Variants in HECW2 observed in about 807,000 individuals in gnomAD.
HECW2 encodes HECT, C2 and WW domain containing E3 ubiquitin protein ligase 2, also known as E3 ubiquitin-protein ligase HECW2.
Under a neutral mutation model 175.2 loss-of-function variants are expected in HECW2, and 61 were observed. The observed-to-expected ratio is 0.35, with a 90% CI of 0.28 to 0.43. The LOEUF (loss-of-function observed/expected upper bound fraction) is 0.43. Ranked by LOEUF, HECW2 falls within the 20% of genes least tolerant of loss-of-function variation. The pLI, the probability that HECW2 is intolerant of heterozygous loss-of-function variation, is 1.00. For synonymous variants in HECW2, 671 were observed against 731.0 expected (o/e 0.92, Z 1.32); for missense variants, 1,524 against 2,000.5 (o/e 0.76, Z 4.54).
chr2:196,206,237 A>G (rs993600852), intron 28 of HECW2, among the ~76,000 whole-genome samples: 2 of 152,262 alleles, frequency 1.3e-5, no homozygotes, highest in Admixed American at 1.3e-4. Flanking sequence ...TAATCTATTT[A>G]GCCAGAACCA....
chr2:196,245,803 G>A (rs1688623215), intron 19 of HECW2, among the ~76,000 whole-genome samples: 1 of 152,192 alleles, frequency 6.6e-6, no homozygotes, highest in Non-Finnish European at 1.5e-5. Context: ...TGACTTTAAA[G>A]ATCTGGGAAG....
chr2:196,234,760 C>T (rs1034657012), intron 21 of HECW2, among the ~76,000 whole-genome samples: 1 of 152,180 alleles, frequency 6.6e-6, no homozygotes, highest in Non-Finnish European at 1.5e-5. Flanking sequence ...AGAGAAGCAA[C>T]TTCTTAGTAG....
intron 3 of HECW2, among the ~76,000 whole-genome samples, chr2:196,337,202 T>G (rs1363153933): frequency 6.6e-6 from 1 of 152,134 alleles, no homozygotes; most frequent in East Asian, 1.9e-4. Context: ...ATATTTTGGT[T>G]ATTGGAAGAG....
chr2:196,234,314 G>A (rs996829601), intron 21 of HECW2, among the ~76,000 whole-genome samples: 5 of 151,524 alleles, frequency 3.3e-5, no homozygotes, highest in African/African-American at 1.2e-4. Context: ...GGGTGACAGG[G>A]TTTTGCTCTG....
chr2:196,399,228 T>C (rs1694751500), intron 2 of HECW2, among the ~76,000 whole-genome samples: 1 of 150,984 alleles, frequency 6.6e-6, no homozygotes, highest in South Asian at 2.1e-4. Context: ...GGCTAATTTT[T>C]TCCCCAAGGA....
chr2:196,218,904 T>C (rs1687570784), intron 26 of HECW2, among the ~76,000 whole-genome samples: 1 of 152,152 alleles, frequency 6.6e-6, no homozygotes, highest in Non-Finnish European at 1.5e-5. Flanking sequence ...ATAGAAGCAA[T>C]GGAAACTGCA....
chr2:196,437,778 G>C (rs113628235), intron 1 of HECW2, among the ~76,000 whole-genome samples: 1 of 151,890 alleles, frequency 6.6e-6, no homozygotes, highest in Non-Finnish European at 1.5e-5. Flanking sequence ...AAGTTAAAGC[G>C]GGAGAGAGAA....
At chr2:196,344,634 A>G (rs960866633) in intron 2 of HECW2, among the ~76,000 whole-genome samples, 5 of 152,328 alleles carry the variant, frequency 3.3e-5, no homozygotes, top group Admixed American at 6.5e-5. Context: ...GGCCCAGAAT[A>G]GGAAATGAAA....
intron 2 of HECW2, among the ~76,000 whole-genome samples, chr2:196,412,176 G>A (rs115355005): frequency 1.4e-3 from 208 of 152,290 alleles, no homozygotes; most frequent in African/African-American, 4.8e-3. Flanking sequence ...TTAAACAACA[G>A]AATGTTAAAG....
At position 196,319,327 on chromosome 2, in the gene HECW2, G is replaced by A. The variant is rs748576363; in HGVS notation, c.1563C>T (p.His521=). The A allele has an allele frequency of 8.7e-6, 14 of 1,613,958 alleles. No individual in the cohort carries two copies. Among genetic ancestry groups the A allele is most frequent in the East Asian group, 6.7e-5 (3 of 44,892 alleles). Residue 521 remains histidine (H), a synonymous_variant, in exon 9 of 29, where the codon CAC becomes CAT. Transcript: ENST00000644978. ...GCTTATCCTCAAAGGAAGCAGCTTC[G>A]TGTGTGGAGGCTTCCTCATTCTCAA... ...NPVENEEAST[H]EAASFEDKPE... is the part of the protein sequence containing the mutation.
chr2:196,458,496 C>A (rs13419792), intron 1 of HECW2, among the ~76,000 whole-genome samples: 3 of 151,622 alleles, frequency 2.0e-5, no homozygotes, highest in Admixed American at 6.6e-5. Flanking sequence ...TATGTGACTT[C>A]GCATTACTAG....
intron 1 of HECW2, among the ~76,000 whole-genome samples, chr2:196,475,355 G>A (rs932351521): frequency 3.4e-5 from 5 of 147,834 alleles, no homozygotes; most frequent in Admixed American, 1.4e-4. Flanking sequence ...GAGGGGATGC[G>A]CAAAGGGAAG....
chr2:196,583,901 T>C (rs546118706), intron 1 of HECW2, among the ~76,000 whole-genome samples: 82 of 152,292 alleles, frequency 5.4e-4, no homozygotes, highest in African/African-American at 1.9e-3. Flanking sequence ...CAATAACTAG[T>C]GTACCACCTA....
intron 17 of HECW2, among the ~76,000 whole-genome samples, chr2:196,262,653 C>G (rs1287917852): frequency 1.3e-5 from 2 of 151,454 alleles, no homozygotes; most frequent in East Asian, 3.9e-4. Context: ...GCAACCTCTG[C>G]CTCCCGGGTT....
intron 1 of HECW2, among the ~76,000 whole-genome samples, chr2:196,468,170 T>C (rs1378013338): frequency 6.6e-6 from 1 of 152,204 alleles, no homozygotes; most frequent in Non-Finnish European, 1.5e-5. Flanking sequence ...AATTTCTGTA[T>C]TTTTAGTAGA....
intron 1 of HECW2, among the ~76,000 whole-genome samples, chr2:196,448,276 C>G (rs966627535): frequency 6.6e-6 from 1 of 152,102 alleles, no homozygotes; most frequent in African/African-American, 2.4e-5. Context: ...GCCTGCTTTC[C>G]TGGTAACTCC....
intron 1 of HECW2, among the ~76,000 whole-genome samples, chr2:196,511,471 C>T (rs75847884): frequency 0.039 from 5,933 of 152,156 alleles, 389 homozygotes; most frequent in African/African-American, 0.13. Flanking sequence ...TTTAGTCATC[C>T]GACAAATATG....
intron 1 of HECW2, among the ~76,000 whole-genome samples, chr2:196,561,244 T>A (rs921749946): frequency 6.6e-6 from 1 of 152,238 alleles, no homozygotes; most frequent in African/African-American, 2.4e-5. Context: ...AGATAAGGGA[T>A]AAAACACGCC....
intron 1 of HECW2, among the ~76,000 whole-genome samples, chr2:196,510,537 G>A (rs1397176348): frequency 1.3e-5 from 2 of 151,978 alleles, no homozygotes; most frequent in African/African-American, 4.8e-5. Context: ...AGGCCTTCAT[G>A]CTTTTATCTC....
Sources: allele counts gnomAD v4.1 joint callset (sites outside exome capture counted in the v4.1 genomes callset), GRCh38; gene constraint gnomAD v4.1.1; transcripts MANE v1.5; gene names NCBI Gene and HGNC (gene_info 2026-07-23, HGNC 2026-07-21).